Variants in PRR16 observed in about 807,000 individuals in gnomAD.
The protein encoded by PRR16 is protein Largen.
In PRR16, 6 loss-of-function variants were observed where a neutral mutation model predicts 18.2. That is an observed-to-expected ratio of 0.33 (90% confidence interval 0.18 to 0.65). The LOEUF (loss-of-function observed/expected upper bound fraction) is 0.65. Ranked by LOEUF, PRR16 falls within the 30% of genes least tolerant of loss-of-function variation. The pLI, the probability that PRR16 is intolerant of heterozygous loss-of-function variation, is 0.74. For synonymous variants in PRR16, 151 were observed against 147.8 expected (o/e 1.02, Z -0.16); for missense variants, 412 against 376.6 (o/e 1.09, Z -0.78).
At chr5:120,685,855 A>C (rs1757100298) in intron 1 of PRR16, 99 bp from the exon 2 acceptor site, 2 of 1,225,766 alleles carry the variant, frequency 1.6e-6, no homozygotes, top group African/African-American at 1.5e-5. Context: ...ATATCAGTTA[A>C]GGCTTCCATA....
chr5:120,752,554 G>C, the PRR16 span, among the ~76,000 whole-genome samples: 16 of 151,682 alleles, frequency 1.1e-4, no homozygotes, highest in Non-Finnish European at 1.9e-4. Context: ...AAAAGAAAAG[G>C]GAAAATAAGA....
chr5:120,700,146 G>A, the PRR16 span, among the ~76,000 whole-genome samples: 3 of 152,186 alleles, frequency 2.0e-5, no homozygotes, highest in African/African-American at 7.2e-5. Flanking sequence ...GGCACCACGG[G>A]GTGGATAGGC....
the PRR16 span, among the ~76,000 whole-genome samples, chr5:120,708,380 T>C: frequency 1.1e-3 from 173 of 152,358 alleles, 1 homozygote; most frequent in African/African-American, 4.0e-3. Context: ...ATCTCAACTT[T>C]TCAATAGAGT....
At chr5:120,776,097 C>G in the PRR16 span, among the ~76,000 whole-genome samples, 2 of 152,258 alleles carry the variant, frequency 1.3e-5, no homozygotes, top group Admixed American at 6.5e-5. Flanking sequence ...TTGTCTCTCA[C>G]TGTTGCTGCT....
At chr5:120,709,165 G>A in the PRR16 span, among the ~76,000 whole-genome samples, 5 of 151,338 alleles carry the variant, frequency 3.3e-5, no homozygotes, top group Admixed American at 1.3e-4. Flanking sequence ...CCGTCACCAC[G>A]CCTGGCTAAT....
intron 1 of PRR16, among the ~76,000 whole-genome samples, chr5:120,601,118 A>G (rs945594130): frequency 1.8e-4 from 28 of 151,840 alleles, no homozygotes; most frequent in African/African-American, 6.8e-4. Flanking sequence ...CAAAATGGTA[A>G]TTCTGTTTTA....
chr5:120,650,563 G>A (rs972938227), intron 1 of PRR16, among the ~76,000 whole-genome samples: 1 of 147,384 alleles, frequency 6.8e-6, no homozygotes, highest in Non-Finnish European at 1.5e-5. Context: ...CCACCTATGA[G>A]TGAGAACATG....
intron 1 of PRR16, among the ~76,000 whole-genome samples, chr5:120,626,220 A>G (rs1323558486): frequency 6.6e-6 from 1 of 152,168 alleles, no homozygotes; most frequent in East Asian, 1.9e-4. Flanking sequence ...ATGTTCATCA[A>G]CTGATGATTG....
intron 1 of PRR16, among the ~76,000 whole-genome samples, chr5:120,508,131 C>T (rs1323997780): frequency 6.6e-6 from 1 of 152,112 alleles, no homozygotes; most frequent in South Asian, 2.1e-4. Context: ...CTCAGCTGCA[C>T]ATACCTTTCC....
At chr5:120,789,957 C>A in the PRR16 span, 2 of 152,054 alleles carry the variant, frequency 1.3e-5, no homozygotes, top group Admixed American at 1.3e-4. Context: ...CTGACAGCTC[C>A]TTCAGGTTGG....
At chr5:120,704,738 T>G in the PRR16 span, among the ~76,000 whole-genome samples, 1 of 152,184 alleles carries the variant, frequency 6.6e-6, no homozygotes, top group African/African-American at 2.4e-5. Context: ...CAGGTGATTC[T>G]AGTATATCAG....
chr5:120,654,291 C>T (rs1028116025), intron 1 of PRR16, among the ~76,000 whole-genome samples: 1 of 151,978 alleles, frequency 6.6e-6, no homozygotes, highest in African/African-American at 2.4e-5. Context: ...CTAACTCATT[C>T]AAGCTCCTTT....
At chr5:120,482,054 C>G in intron 1 of PRR16, among the ~76,000 whole-genome samples, 1 of 152,042 alleles carries the variant, frequency 6.6e-6, no homozygotes, top group East Asian at 1.9e-4. Context: ...GTATGTTATA[C>G]AAAGAATGAA....
intron 1 of PRR16, among the ~76,000 whole-genome samples, chr5:120,616,782 G>C (rs747858705): frequency 2.6e-5 from 4 of 152,068 alleles, no homozygotes; most frequent in Non-Finnish European, 4.4e-5. Flanking sequence ...GATTTGCTAT[G>C]GTATACTGTT....
intron 1 of PRR16, among the ~76,000 whole-genome samples, chr5:120,661,561 G>A (rs1561600685): frequency 6.6e-6 from 1 of 151,852 alleles, no homozygotes; most frequent in East Asian, 1.9e-4. Flanking sequence ...CCTAAAAGTA[G>A]CATTCCTTAT....
chr5:120,787,963 ACTCT>A, the PRR16 span, among the ~76,000 whole-genome samples: 1 of 151,338 alleles, frequency 6.6e-6, no homozygotes, highest in East Asian at 2.0e-4. Flanking sequence ...TAAAGGTCTT[ACTCT>A]CTCTCTTGCT....
chr5:120,736,389 C>G, the PRR16 span, among the ~76,000 whole-genome samples: 2 of 152,108 alleles, frequency 1.3e-5, no homozygotes, highest in Admixed American at 1.3e-4. Context: ...GTCAGCCTCC[C>G]GAGTAGCTGA....
At chr5:120,694,986 T>C in the PRR16 span, among the ~76,000 whole-genome samples, 15 of 152,222 alleles carry the variant, frequency 9.9e-5, no homozygotes, top group African/African-American at 3.1e-4. Flanking sequence ...GTGATATATT[T>C]GAATACATAT....
intron 1 of PRR16, among the ~76,000 whole-genome samples, chr5:120,490,486 G>A (rs186380520): frequency 3.2e-4 from 49 of 152,086 alleles, no homozygotes; most frequent in African/African-American, 6.3e-4. Context: ...TTCTCGTGCC[G>A]TGGTTTTCAG....
Sources: gnomAD v4.1 joint callset for allele counts (sites outside exome capture counted in the v4.1 genomes callset) on GRCh38, gnomAD v4.1.1 for gene constraint, MANE v1.5 for transcripts, NCBI Gene and HGNC (gene_info 2026-07-23, HGNC 2026-07-21) for gene names.